Variants in GLI3 observed in about 807,000 individuals in gnomAD.
GLI3 encodes the protein transcription activator GLI3.
Under a neutral mutation model 100.8 loss-of-function variants are expected in GLI3, and 20 were observed. The observed-to-expected ratio is 0.20, with a 90% CI of 0.14 to 0.29. The LOEUF is 0.29. GLI3 is among the 10% of genes least tolerant of loss of function. GLI3 has a pLI of 1.00. For synonymous variants in GLI3, 938 were observed against 860.5 expected, an observed-to-expected ratio of 1.09 and a Z score of -1.58; for missense variants, 2,040 against 2,128.5, an observed-to-expected ratio of 0.96 and a Z score of 0.82.
chr7:42,251,421 T>C (rs112092401), intron 1 of GLI3, among the ~76,000 whole-genome samples: 7,288 of 152,284 alleles, frequency 0.048, 207 homozygotes, highest in Non-Finnish European at 0.076. Flanking sequence ...TAGGCGGCGA[T>C]GCTCTAATGC....
At chr7:42,246,905 G>C (rs1276243206) in intron 1 of GLI3, among the ~76,000 whole-genome samples, 1 of 144,998 alleles carries the variant, frequency 6.9e-6, no homozygotes, top group Non-Finnish European at 1.5e-5. Flanking sequence ...TTCTGAGAAT[G>C]GGTTTATATG....
intron 3 of GLI3, among the ~76,000 whole-genome samples, chr7:42,114,386 C>T (rs974827823): frequency 1.4e-4 from 21 of 151,656 alleles, no homozygotes; most frequent in South Asian, 8.3e-4. Flanking sequence ...GCCTGAAATA[C>T]GATGATTGCT....
rs1787380246 is a variant in GLI3, at chr7:41,972,162, C to G, written c.2103+175G>C. 6.6e-6 allele frequency among the ~76,000 whole-genome samples: 1 copy of G among 152,130 alleles called. No individual in the cohort carries two copies. The highest frequency in any genetic ancestry group is 2.1e-4 in the South Asian group (1 of 4,824). On this transcript the variant is annotated intron_variant, in intron 13 of 14. Coordinates refer to ENST00000395925, the MANE Select transcript of GLI3 (RefSeq NM_000168.6). This position sits in a 1 kb window ranked among gnomAD's most constrained non-coding sequence, Gnocchi z 4.4. The stretch of plus-strand genomic sequence containing the variant: ...AAATCAGTTAGGAAACCTGGAAACT[C>G]TTTTTCTGAGCTGATCGACTTCACG...
chr7:42,208,497 C>T (rs1788200101), intron 2 of GLI3, among the ~76,000 whole-genome samples: 1 of 152,166 alleles, frequency 6.6e-6, no homozygotes, highest in African/African-American at 2.4e-5. Flanking sequence ...CAACGTTCCC[C>T]AGCTCCCGCC....
intron 2 of GLI3, among the ~76,000 whole-genome samples, chr7:42,180,707 T>C (rs1264191889): frequency 6.6e-6 from 1 of 152,226 alleles, no homozygotes; most frequent in Non-Finnish European, 1.5e-5. Flanking sequence ...TATCTCCTGT[T>C]GGAGTGAAAC....
intron 10 of GLI3, among the ~76,000 whole-genome samples, chr7:41,999,697 T>C (rs1286153241): frequency 6.6e-6 from 1 of 152,208 alleles, no homozygotes; most frequent in Non-Finnish European, 1.5e-5. Flanking sequence ...CTTGGCGACC[T>C]TGAATTTGAT....
chr7:42,188,346 T>C (rs1239959209), intron 2 of GLI3, among the ~76,000 whole-genome samples: 1 of 152,170 alleles, frequency 6.6e-6, no homozygotes, highest in Non-Finnish European at 1.5e-5. Flanking sequence ...ACTAATAATA[T>C]AAATACACAC....
chr7:41,972,572 G>T lies in GLI3; in HGVS notation c.1868C>A (p.Ser623Tyr). The change falls in exon 13 of 15, where the codon TCC (serine) becomes TAC (tyrosine). Residue 623 changes from serine to tyrosine, a missense_variant. Transcript: ENST00000395925. The surrounding 1 kb of genome is among the most constrained non-coding windows in gnomAD (Gnocchi z 4.4). The stretch of plus-strand genomic sequence containing the variant: ...CACTGTCTTCACATGTTTCCGGAGG[G>T]AGCTTGGGTCTGTGTAACGCTTAGT... ...GCTKRYTDPS[S>Y]LRKHVKTVHG... 6.2e-7 allele frequency: 1 copy of T among 1,610,488 alleles called. No homozygotes were observed.
intron 2 of GLI3, among the ~76,000 whole-genome samples, chr7:42,203,547 A>T (rs1788087990): frequency 6.6e-6 from 1 of 152,192 alleles, no homozygotes; most frequent in Non-Finnish European, 1.5e-5. Flanking sequence ...TGTTGTCAAA[A>T]ATGACAGGAT....
At chr7:42,170,032 C>T (rs1787332410) in intron 2 of GLI3, among the ~76,000 whole-genome samples, 1 of 151,204 alleles carries the variant, frequency 6.6e-6, no homozygotes, top group South Asian at 2.1e-4. Flanking sequence ...CCAAGGCAGG[C>T]GGAGGTCAGG....
At chr7:42,109,912 T>C (rs1211438871) in intron 3 of GLI3, among the ~76,000 whole-genome samples, 1 of 152,258 alleles carries the variant, frequency 6.6e-6, no homozygotes, top group African/African-American at 2.4e-5. Context: ...CAGTAAGTTA[T>C]GGATTACTTT....
At chr7:42,159,683 A>G (rs1338463942) in intron 2 of GLI3, among the ~76,000 whole-genome samples, 2 of 152,214 alleles carry the variant, frequency 1.3e-5, no homozygotes, top group African/African-American at 4.8e-5. Context: ...TGCAATAAAA[A>G]TACAGCAGTG....
chr7:41,989,381 A>G (rs143746527), intron 10 of GLI3, among the ~76,000 whole-genome samples: 1 of 152,306 alleles, frequency 6.6e-6, no homozygotes, highest in Non-Finnish European at 1.5e-5. Flanking sequence ...TCTAGCCCCA[A>G]AGGAGGTGCA....
chr7:42,090,005 G>A (rs1016335246), intron 3 of GLI3, among the ~76,000 whole-genome samples: 11 of 152,186 alleles, frequency 7.2e-5, no homozygotes, highest in African/African-American at 1.4e-4. Context: ...CCTATTACTC[G>A]TAGGCTATAA....
At chr7:42,179,468 G>T (rs1462273411) in intron 2 of GLI3, among the ~76,000 whole-genome samples, 1 of 152,142 alleles carries the variant, frequency 6.6e-6, no homozygotes, top group Non-Finnish European at 1.5e-5. Context: ...GTTTTAAGCA[G>T]GAGAGTGACA....
chr7:41,980,389 A>G (rs1489947535), intron 10 of GLI3, among the ~76,000 whole-genome samples: 1 of 152,224 alleles, frequency 6.6e-6, no homozygotes, highest in Non-Finnish European at 1.5e-5. Context: ...GCCCATACAC[A>G]AGACCAGGGC....
chr7:42,208,195 C>CTGTCT (rs1175429499), intron 2 of GLI3, among the ~76,000 whole-genome samples: 1 of 151,982 alleles, frequency 6.6e-6, no homozygotes. Context: ...AAAATAAAAA[C>CTGTCT]ACATTTAAGA....
At chr7:42,224,048 A>C (rs1395393630) in intron 1 of GLI3, among the ~76,000 whole-genome samples, 2 of 152,222 alleles carry the variant, frequency 1.3e-5, no homozygotes, top group Non-Finnish European at 2.9e-5. Context: ...ACTCAGCTAA[A>C]GGCAGGTTCA....
chr7:42,189,443 T>C (rs1007324431), intron 2 of GLI3, among the ~76,000 whole-genome samples: 1 of 152,264 alleles, frequency 6.6e-6, no homozygotes, highest in Non-Finnish European at 1.5e-5. Flanking sequence ...AACTCCTTCC[T>C]GTATTGAGTA....
Sources: gnomAD v4.1 joint callset for allele counts (sites outside exome capture counted in the v4.1 genomes callset) on GRCh38, gnomAD v4.1.1 for gene constraint, Gnocchi (gnomAD v3.1) non-coding constraint, MANE v1.5 for transcripts, NCBI Gene and HGNC (gene_info 2026-07-23, HGNC 2026-07-21) for gene names.